The following SORCS2 variants were observed in gnomAD, a reference collection of about 807,000 sequenced individuals.
The protein encoded by SORCS2 is sortilin related VPS10 domain containing receptor 2.
A neutral mutation model predicts 141.6 loss-of-function variants in SORCS2; 100 were observed. The observed-to-expected ratio is 0.71, with a 90% CI of 0.60 to 0.83. The LOEUF (loss-of-function observed/expected upper bound fraction) is 0.83, where lower values mean the gene tolerates loss of function less well. Among genes scored for constraint, SORCS2 ranks in the 40% least tolerant of loss-of-function variants. The pLI is 0.00. For synonymous variants in SORCS2, 789 were observed against 676.9 expected (o/e 1.17, Z -2.57); for missense variants, 1,646 against 1,560.2 (o/e 1.05, Z -0.93).
intron 3 of SORCS2, among the ~76,000 whole-genome samples, chr4:7,535,237 C>A (rs553113717): frequency 6.6e-5 from 10 of 152,342 alleles, no homozygotes; most frequent in African/African-American, 1.9e-4. Flanking sequence ...GGAGGCCCAC[C>A]AAGGGCCTTG....
chr4:7,634,671 C>T (rs1720127594), intron 3 of SORCS2, among the ~76,000 whole-genome samples: 1 of 152,192 alleles, frequency 6.6e-6, no homozygotes, highest in South Asian at 2.1e-4. Flanking sequence ...ACTCCCACAC[C>T]CCTCAAGCGC....
chr4:7,646,482 G>A (rs1027556593), intron 4 of SORCS2, among the ~76,000 whole-genome samples: 1 of 152,190 alleles, frequency 6.6e-6, no homozygotes, highest in South Asian at 2.1e-4. Flanking sequence ...AAGAAGAGGA[G>A]ATCAGGACAC....
At chr4:7,215,305 C>T (rs1728271040) in intron 1 of SORCS2, among the ~76,000 whole-genome samples, 1 of 152,322 alleles carries the variant, frequency 6.6e-6, no homozygotes, top group African/African-American at 2.4e-5. Context: ...CTGGGTCCCC[C>T]AGCAGTGCCA....
At chr4:7,452,094 C>T (rs774373688) in intron 2 of SORCS2, among the ~76,000 whole-genome samples, 1 of 152,104 alleles carries the variant, frequency 6.6e-6, no homozygotes, top group Non-Finnish European at 1.5e-5. Context: ...GCCACACACC[C>T]GATACCACTG....
rs138987316 is a variant in SORCS2 at position 7,507,587 on chromosome 4, C to T, written c.549-23943C>T. Among the ~76,000 whole-genome samples, 1,076 of 152,284 alleles carry T rather than the reference C, an allele frequency of 7.1e-3. 7 individuals are homozygous for T. The highest frequency in any genetic ancestry group is 0.011 in the Non-Finnish European group (763 of 68,030). The stretch of plus-strand genomic sequence containing the variant: ...TGTCTTAGAAGCCACTAAATATGCT[C>T]TAAACCAAGTGGCACGAAAGTAGAC... On this transcript the variant is annotated intron_variant, in intron 2 of 26. Coordinates refer to ENST00000507866, the MANE Select transcript of SORCS2 (RefSeq NM_020777.3).
intron 3 of SORCS2, among the ~76,000 whole-genome samples, chr4:7,534,329 T>TCC (rs34834438): frequency 1.3e-5 from 2 of 151,056 alleles, no homozygotes; most frequent in Admixed American, 6.6e-5. Flanking sequence ...CTCTGCCAGG[T>TCC]CCCCCCCCAT....
chr4:7,492,200 A>G (rs886573510), intron 2 of SORCS2, among the ~76,000 whole-genome samples: 1 of 152,224 alleles, frequency 6.6e-6, no homozygotes, highest in Non-Finnish European at 1.5e-5. Context: ...CCACCTGTAA[A>G]TACATGATTT....
At chr4:7,584,658 C>T (rs1482592533) in intron 3 of SORCS2, among the ~76,000 whole-genome samples, 1 of 152,190 alleles carries the variant, frequency 6.6e-6, no homozygotes, top group African/African-American at 2.4e-5. Context: ...GGAGGTCTTG[C>T]TCCTGCATCC....
At chr4:7,270,612 A>T (rs1321335509) in intron 1 of SORCS2, among the ~76,000 whole-genome samples, 2 of 152,236 alleles carry the variant, frequency 1.3e-5, no homozygotes, top group Non-Finnish European at 2.9e-5. Flanking sequence ...GTTGCTTAGA[A>T]CACTTAACCT....
At chr4:7,657,309 ATGAG>A in intron 5 of SORCS2, among the ~76,000 whole-genome samples, 1 of 152,282 alleles carries the variant, frequency 6.6e-6, no homozygotes, top group Non-Finnish European at 1.5e-5. Context: ...TAATGAATGA[ATGAG>A]TGAATAAATG....
intron 2 of SORCS2, among the ~76,000 whole-genome samples, chr4:7,452,342 A>T (rs889497514): frequency 3.9e-5 from 6 of 152,066 alleles, no homozygotes; most frequent in Non-Finnish European, 2.9e-5. Context: ...GAGTTTCACC[A>T]CATTGGCCAG....
chr4:7,315,078 C>T (rs138615607), intron 1 of SORCS2, among the ~76,000 whole-genome samples: 3,016 of 152,208 alleles, frequency 0.02, 98 homozygotes, highest in African/African-American at 0.067. Context: ...GGCCATCCAC[C>T]GACCTCGGCC....
chr4:7,230,711 T>C (rs1711805262), intron 1 of SORCS2, among the ~76,000 whole-genome samples: 3 of 146,970 alleles, frequency 2.0e-5, no homozygotes, highest in Admixed American at 6.7e-5. Context: ...TGTGCTCATG[T>C]ATGAAGGAGA....
intron 3 of SORCS2, among the ~76,000 whole-genome samples, chr4:7,608,342 C>G (rs78656415): frequency 0.013 from 1,936 of 152,304 alleles, 47 homozygotes; most frequent in African/African-American, 0.044. Flanking sequence ...TCAGTTTCAT[C>G]ATCGTCAGGG....
Position 7,661,481 on chromosome 4 carries a change from C to G in SORCS2, c.888-19C>G, listed in dbSNP as rs745556514. The G allele has an allele frequency of 6.4e-7, 1 of 1,551,372 alleles. No homozygotes were observed. The highest frequency in any genetic ancestry group is 1.4e-5 in the African/African-American group (1 of 73,014). On this transcript the variant is annotated intron_variant, in intron 5 of 26. Coordinates refer to ENST00000507866, the MANE Select transcript of SORCS2 (RefSeq NM_020777.3). The stretch of plus-strand genomic sequence containing the variant: ...TGGTGACTCCATTCCCGACCCCAGC[C>G]TCAGCTCTTCTTTTCCAGGTCTGTG...
chr4:7,235,383 C>T (rs996506285), intron 1 of SORCS2, among the ~76,000 whole-genome samples: 4 of 152,232 alleles, frequency 2.6e-5, no homozygotes, highest in African/African-American at 9.6e-5. Flanking sequence ...GTAAGACCCT[C>T]ATTTTCTAGA....
chr4:7,293,464 C>T (rs989960158), intron 1 of SORCS2, among the ~76,000 whole-genome samples: 41 of 152,150 alleles, frequency 2.7e-4, no homozygotes, highest in Non-Finnish European at 5.6e-4. Context: ...GGAGTGGATA[C>T]CCCAGAATGT....
chr4:7,739,325 G>A (rs1321121168), intron 26 of SORCS2, among the ~76,000 whole-genome samples: 5 of 152,052 alleles, frequency 3.3e-5, no homozygotes, highest in African/African-American at 4.8e-5. Flanking sequence ...TCCTGCAGGC[G>A]GCATCACCCC....
In SORCS2 at chr4:7,624,413, A is replaced by G. The variant is rs150387559; in HGVS notation, c.649-13915A>G. Among the ~76,000 whole-genome samples the G allele has an allele frequency of 4.4e-3, 671 of 152,370 alleles. 8 individuals carry two copies. The highest frequency in any genetic ancestry group is 0.015 in the African/African-American group (643 of 41,592). ...TTCATGGGAACGATAAGGGAATGATAAGAAAACATTAAGAATGGCTTCTAG... is the reference window on the plus strand; with the variant it reads ...TTCATGGGAACGATAAGGGAATGATGAGAAAACATTAAGAATGGCTTCTAG... On this transcript the variant is annotated intron_variant, in intron 3 of 26. Transcript: ENST00000507866.
Sources: gnomAD v4.1 joint callset for allele counts (sites outside exome capture counted in the v4.1 genomes callset) on GRCh38, gnomAD v4.1.1 for gene constraint, MANE v1.5 for transcripts, NCBI Gene and HGNC (gene_info 2026-07-23, HGNC 2026-07-21) for gene names.